SDC3: variants seen among roughly 807,000 people sequenced by gnomAD.
The protein encoded by SDC3 is syndecan-3.
SDC3 carries 13 observed loss-of-function variants against 24.4 expected under a neutral mutation model. The ratio of observed to expected loss-of-function variants is 0.53; its 90% CI spans 0.35 to 0.85. The LOEUF (loss-of-function observed/expected upper bound fraction) is 0.85, where lower values mean the gene tolerates loss of function less well. Among genes scored for constraint, SDC3 ranks in the 40% least tolerant of loss-of-function variants. The pLI, the probability that SDC3 is intolerant of heterozygous loss-of-function variation, is 0.01. For missense variants in SDC3, 571 were observed against 584.5 expected (o/e 0.98, Z 0.24); for synonymous variants, 295 against 260.9 (o/e 1.13, Z -1.26).
chr1:30,878,193 A>G (rs1029606030), intron 2 of SDC3: 1 of 159,162 alleles, frequency 6.3e-6, no homozygotes, highest in Non-Finnish European at 1.4e-5. Context: ...CTCTCCCGAG[A>G]TTCTGCTAGA....
intron 1 of SDC3, among the ~76,000 whole-genome samples, chr1:30,894,854 G>A (rs1328004936): frequency 6.6e-6 from 1 of 151,952 alleles, no homozygotes; most frequent in Non-Finnish European, 1.5e-5. Flanking sequence ...GCTGTCTCGA[G>A]TGGCTTAGAT....
chr1:30,908,505 G>A lies in SDC3; in HGVS notation c.82C>T (p.Arg28Cys). The change falls in exon 1 of 5, where the codon CGC becomes TGC. Residue 28 changes from arginine to cysteine, a missense_variant. Physicochemically the swap from Arg to Cys is radical, Grantham distance 180. Around this residue, in one of 2 missense-constraint regions of SDC3, gnomAD observed 497 missense variants for 471.6 expected, o/e 1.05. Coordinates refer to ENST00000339394, the MANE Select transcript of SDC3 (RefSeq NM_014654.4). ...GAGAAAGPGA[R>C]GLLLPPLLLL... ...AGCAGCGGTGGCAGGAGCAGCCCGC[G>A]GGCCCCGGGCCCGGCCGCGGCCCCG... 1.0e-6 allele frequency: 1 copy of A among 979,674 alleles called. No individual in the cohort carries two copies. The highest frequency in any genetic ancestry group is 1.2e-6 in the Non-Finnish European group (1 of 828,178). 60.7% of individuals were successfully genotyped at this position (979,674 alleles called of 1,614,324 possible).
At chr1:30,883,013 G>T (rs11808726) in intron 1 of SDC3, among the ~76,000 whole-genome samples, 4 of 152,224 alleles carry the variant, frequency 2.6e-5, no homozygotes, top group African/African-American at 9.6e-5. Context: ...ATTGCTGTTA[G>T]TTTATGTTAA....
intron 1 of SDC3, chr1:30,880,691 C>T (rs1416031835): frequency 6.6e-6 from 1 of 151,922 alleles, no homozygotes; most frequent in Non-Finnish European, 1.5e-5. Flanking sequence ...AGGAACACTA[C>T]AGAGGGGGTG....
At chr1:30,878,915 G>T (rs1047060356) in intron 1 of SDC3, 175 bp from the exon 2 acceptor site, 1 of 580,510 alleles carries the variant, frequency 1.7e-6, no homozygotes, top group Non-Finnish European at 3.1e-6. Flanking sequence ...CAGGGGTGGG[G>T]TGTGGCAAGT....
chr1:30,897,757 G>C (rs35851714), intron 1 of SDC3, among the ~76,000 whole-genome samples: 4,638 of 152,256 alleles, frequency 0.03, 90 homozygotes, highest in Middle Eastern at 0.12. Context: ...CTGTGACCTT[G>C]CACAAATTAT....
At chr1:30,888,072 G>A (rs1168132069) in intron 1 of SDC3, among the ~76,000 whole-genome samples, 1 of 152,224 alleles carries the variant, frequency 6.6e-6, no homozygotes, top group Non-Finnish European at 1.5e-5. Flanking sequence ...ATACATTCTG[G>A]CCATTTCTCA....
chr1:30,902,037 C>T (rs989524729), intron 1 of SDC3, among the ~76,000 whole-genome samples: 1 of 152,188 alleles, frequency 6.6e-6, no homozygotes, highest in Non-Finnish European at 1.5e-5. Flanking sequence ...GATCCCTACT[C>T]CTTCGATGAC....
At chr1:30,891,540 C>T (rs1639904125) in intron 1 of SDC3, among the ~76,000 whole-genome samples, 1 of 152,236 alleles carries the variant, frequency 6.6e-6, no homozygotes, top group African/African-American at 2.4e-5. Context: ...TGAGCCTCAA[C>T]ACCTTGGCTT....
intron 3 of SDC3, 48 bp downstream of exon 3, chr1:30,876,504 G>A (rs1639638917): frequency 2.9e-6 from 4 of 1,373,116 alleles, no homozygotes; most frequent in Admixed American, 4.7e-5. Flanking sequence ...TCCCTCCCCT[G>A]ACCCACCCTC....
intron 1 of SDC3, among the ~76,000 whole-genome samples, chr1:30,894,120 A>AGT (rs995033839): frequency 2.6e-5 from 4 of 151,328 alleles, no homozygotes; most frequent in African/African-American, 9.7e-5. Flanking sequence ...GAGCCCCAGC[A>AGT]GTGTGTGTGT....
intron 1 of SDC3, among the ~76,000 whole-genome samples, chr1:30,885,878 G>A (rs552259998): frequency 3.3e-4 from 50 of 152,190 alleles, no homozygotes; most frequent in Non-Finnish European, 5.9e-4. Flanking sequence ...CCTGTGCCTA[G>A]ACAGAAGCTG....
intron 4 of SDC3, 144 bp downstream of exon 4, chr1:30,874,153 G>A: frequency 3.0e-6 from 2 of 658,672 alleles, no homozygotes; most frequent in South Asian, 2.0e-5. Flanking sequence ...GGGGGGTTGA[G>A]TTCTCAAGTT....
In SDC3 at chr1:30,877,075, G is replaced by A; in HGVS notation, c.347C>T (p.Thr116Ile). The A allele has an allele frequency of 6.2e-7, 1 of 1,614,032 alleles. No individual in the cohort carries two copies. The highest frequency in any genetic ancestry group is 1.6e-4 in the Middle Eastern group (1 of 6,062). The change falls in exon 3 of 5, where the codon ACC becomes ATC. Residue 116 changes from threonine (T) to isoleucine (I), a missense_variant. Thr to Ile is a moderately conservative substitution (Grantham distance 89). Coordinates refer to ENST00000339394, the MANE Select transcript of SDC3 (RefSeq NM_014654.4). ...TGTGCCCACAGGCTGGATGTTCGTG[G>A]TGGGCAGCACCGCAGGTGTGGTGGA... ...AVSTTPAVLP[T>I]TNIQPVGTPF...
chr1:30,908,198 A>C (rs1638567044), intron 1 of SDC3, among the ~76,000 whole-genome samples: 1 of 150,472 alleles, frequency 6.6e-6, no homozygotes, highest in Admixed American at 6.6e-5. Flanking sequence ...CGCCCCCCGA[A>C]GATGACCAGC....
Position 30,888,611 on chromosome 1 carries a change from G to C in SDC3, c.139-9871C>G, listed in dbSNP as rs570895429. ...ATAACTGAAACGGCCCTGTCTGTAA[G>C]AATGTGTGTGTGTGTCCAGGCCTCT... On this transcript the variant is annotated intron_variant, in intron 1 of 4. Transcript: ENST00000339394. 2.0e-3 allele frequency among the ~76,000 whole-genome samples: 310 copies of C among 152,318 alleles called. 1 individual carries two copies. The highest frequency in any genetic ancestry group is 7.1e-3 in the African/African-American group (295 of 41,572).
At chr1:30,895,688 G>T (rs1297128835) in intron 1 of SDC3, among the ~76,000 whole-genome samples, 3 of 152,126 alleles carry the variant, frequency 2.0e-5, no homozygotes, top group African/African-American at 7.2e-5. Flanking sequence ...CTCTAGCCTT[G>T]GTCCTAACTA....
intron 1 of SDC3, among the ~76,000 whole-genome samples, chr1:30,899,091 C>T (rs1031954115): frequency 3.9e-5 from 6 of 152,078 alleles, no homozygotes; most frequent in Admixed American, 1.3e-4. Context: ...TTCTTCGTTT[C>T]GTTGTTGTTG....
At chr1:30,880,053 G>A (rs1639716484) in intron 1 of SDC3, 1 of 152,522 alleles carries the variant, frequency 6.6e-6, no homozygotes, top group Non-Finnish European at 1.5e-5. Flanking sequence ...GGCAGGAGGA[G>A]CTGGGCCTGC....
Sources: gnomAD v4.1 joint callset for allele counts (sites outside exome capture counted in the v4.1 genomes callset) on GRCh38, gnomAD v4.1.1 for gene constraint, gnomAD v4.1.1 regional missense constraint, MANE v1.5 for transcripts, NCBI Gene and HGNC (gene_info 2026-07-23, HGNC 2026-07-21) for gene names.